The following DMD variants were observed in gnomAD, a reference collection of about 807,000 sequenced individuals.
The protein encoded by DMD is mutant dystrophin.
In DMD, 63 loss-of-function variants were observed where a neutral mutation model predicts 330.1. The observed-to-expected ratio is 0.19, with a 90% confidence interval of 0.16 to 0.24. The LOEUF is 0.24. DMD is among the 10% of genes least tolerant of loss of function. The pLI is 1.00. For missense variants in DMD, 3,344 were observed against 2,684.1 expected (o/e 1.25, Z -5.43); for synonymous variants, 1,223 against 959.8 (o/e 1.27, Z -5.07).
chrX:31,131,710 TGTGTACACACACATATGCC>T (rs1642085213), intron 77 of DMD, among the ~76,000 whole-genome samples: 1 of 111,950 alleles, frequency 8.9e-6, no homozygotes. Context: ...GGTATATGTG[TGTGTACACACACATATGCC>T]ATTTTTCAAA....
intron 42 of DMD, among the ~76,000 whole-genome samples, chrX:32,308,142 G>T (rs2097547601): frequency 9.1e-6 from 1 of 110,052 alleles, no homozygotes; most frequent in African/African-American, 3.3e-5. Context: ...ACATGATTAG[G>T]TAGCTTTCCA....
chrX:33,229,537 C>T (rs1176390602), intron 1 of DMD, among the ~76,000 whole-genome samples: 2 of 111,566 alleles, frequency 1.8e-5, no homozygotes, highest in African/African-American at 3.2e-5. Context: ...CTTGGAATTG[C>T]TTTCACAACT....
intron 2 of DMD, among the ~76,000 whole-genome samples, chrX:33,009,989 TATATACAC>T (rs1208147387): frequency 3.2e-5 from 1 of 31,316 alleles, no homozygotes; most frequent in Admixed American, 3.0e-4. Context: ...CACATGTGTG[TATATACAC>T]GTATGTATGT....
chrX:32,762,434 C>G (rs2072443075), intron 7 of DMD, among the ~76,000 whole-genome samples: 1 of 111,672 alleles, frequency 9.0e-6, no homozygotes, highest in African/African-American at 3.3e-5. Context: ...TGACACCAAA[C>G]ATTCTAGTAG....
chrX:31,676,916 T>C (rs2082111259), intron 53 of DMD, among the ~76,000 whole-genome samples: 1 of 112,094 alleles, frequency 8.9e-6, no homozygotes, highest in Non-Finnish European at 1.9e-5. Context: ...ATTACAGCTT[T>C]GGCCATCTTT....
intron 11 of DMD, among the ~76,000 whole-genome samples, chrX:32,633,741 G>A (rs2058902534): frequency 8.9e-6 from 1 of 111,733 alleles, no homozygotes; most frequent in African/African-American, 3.3e-5. Context: ...GGAGGCCTCA[G>A]GAAACTTACA....
Position 32,614,367 on chromosome X carries a change from T to C in DMD, c.1418A>G (p.Lys473Arg). The C allele has an allele frequency of 8.3e-7, 1 of 1,208,129 alleles. No individual in the cohort carries two copies. Among genetic ancestry groups the C allele is most frequent in the South Asian group, 1.8e-5 (1 of 56,857 alleles). ...AGGTCCAAGAGGCTCTTCCTCCATT[T>C]TCCTTGTTCTTTCTTCTGTTTTTGT... is the stretch of plus-strand genomic sequence containing the variant. ...WLTKTEERTRKMEEEPLGPDL... is the reference protein window; with the variant it reads ...WLTKTEERTRRMEEEPLGPDL... The change falls in exon 12 of 79, where the codon AAA (lysine) becomes AGA (arginine). Residue 473 changes from lysine (K) to arginine (R), a missense_variant. Physicochemically the swap from Lys to Arg is conservative, Grantham distance 26. Transcript: ENST00000357033.
intron 61 of DMD, among the ~76,000 whole-genome samples, chrX:31,343,616 TGTGAGAGA>T (rs1471635368): frequency 2.2e-5 from 2 of 92,081 alleles, no homozygotes; most frequent in African/African-American, 4.0e-5. Flanking sequence ...TGTGTGTGTG[TGTGAGAGA>T]GAGAGAGAGA....
At chrX:32,717,752 G>A (rs1731567107) in intron 7 of DMD, among the ~76,000 whole-genome samples, 2 of 111,156 alleles carry the variant, frequency 1.8e-5, no homozygotes, top group African/African-American at 3.3e-5. Context: ...AACAACTAAG[G>A]GTGCTGTACA....
chrX:32,730,775 G>A (rs1290612060), intron 7 of DMD, among the ~76,000 whole-genome samples: 1 of 111,921 alleles, frequency 8.9e-6, no homozygotes, highest in East Asian at 2.8e-4. Flanking sequence ...GTATTCAATA[G>A]ATTCAAATAT....
chrX:31,247,557 C>T (rs779320721), intron 63 of DMD, among the ~76,000 whole-genome samples: 6 of 103,608 alleles, frequency 5.8e-5, no homozygotes, highest in Non-Finnish European at 7.8e-5. Context: ...GCCTAGATCA[C>T]GCCACTGCAC....
In DMD at chrX:31,507,453, C is replaced by T. The variant is rs2071064300; in HGVS notation, c.8218G>A (p.Asp2740Asn). The change falls in exon 56 of 79, where the codon GAC (aspartate) becomes AAC (asparagine). Residue 2740 changes from aspartate to asparagine, a missense_variant and splice_region_variant. Coordinates refer to ENST00000357033, the MANE Select transcript of DMD (RefSeq NM_004006.3). ...GVKELMKQWQ[D>N]LQGEIEAHTD... is the part of the protein sequence containing the mutation. Reference sequence around the variant, plus strand: ...TGAGCTTCAATTTCACCTTGGAGGTCCTACAGGACAGCAGGAAGAAGAATA... The same window carrying T: ...TGAGCTTCAATTTCACCTTGGAGGTTCTACAGGACAGCAGGAAGAAGAATA... 13 of 1,198,702 alleles carry T rather than the reference C, an allele frequency of 1.1e-5. No homozygotes were observed. The highest frequency in any genetic ancestry group is 1.5e-5 in the Non-Finnish European group (13 of 888,119).
At chrX:31,202,978 T>C (rs2043646462) in intron 67 of DMD, among the ~76,000 whole-genome samples, 1 of 111,979 alleles carries the variant, frequency 8.9e-6, no homozygotes, top group African/African-American at 3.2e-5. Flanking sequence ...ATTGTAGCAC[T>C]ATCTACCTAA....
At chrX:32,027,817 A>G (rs2095857531) in intron 44 of DMD, among the ~76,000 whole-genome samples, 1 of 112,696 alleles carries the variant, frequency 8.9e-6, no homozygotes, top group Non-Finnish European at 1.9e-5. Flanking sequence ...AACAAAGAGC[A>G]CATCAGACCA....
chrX:32,573,380 C>A, intron 15 of DMD, 150 bp downstream of exon 15: 2 of 505,978 alleles, frequency 4.0e-6, no homozygotes, highest in South Asian at 6.6e-5. Context: ...CACTTTAATT[C>A]AGAAAAGTAG....
intron 51 of DMD, among the ~76,000 whole-genome samples, chrX:31,758,975 C>G (rs992477638): frequency 9.0e-6 from 1 of 111,287 alleles, no homozygotes; most frequent in East Asian, 2.8e-4. Context: ...ATTCTGATAA[C>G]GAAAATATGA....
chrX:32,215,144 AT>A (rs1482573620), intron 44 of DMD, among the ~76,000 whole-genome samples: 1 of 111,779 alleles, frequency 8.9e-6, no homozygotes. Flanking sequence ...TTTGAAAAAG[AT>A]TAGTCAATTT....
chrX:32,646,499 C>G (rs2059792790), intron 9 of DMD, among the ~76,000 whole-genome samples: 1 of 111,208 alleles, frequency 9.0e-6, no homozygotes, highest in African/African-American at 3.3e-5. Flanking sequence ...GGCCCCCTAA[C>G]AAACAGGGTT....
chrX:33,051,873 T>A (rs776446364), intron 1 of DMD, among the ~76,000 whole-genome samples: 24 of 110,073 alleles, frequency 2.2e-4, no homozygotes, highest in African/African-American at 6.6e-4. Context: ...AGTCTCGAAC[T>A]CCTGACCTCA....
Sources: allele counts gnomAD v4.1 joint callset (sites outside exome capture counted in the v4.1 genomes callset), GRCh38; gene constraint gnomAD v4.1.1; transcripts MANE v1.5; gene names NCBI Gene and HGNC (gene_info 2026-07-23, HGNC 2026-07-21).